TCF12: variants seen among roughly 807,000 people sequenced by gnomAD.
The protein encoded by TCF12 is DNA-binding protein HTF4.
A neutral mutation model predicts 86.0 loss-of-function variants in TCF12; 45 were observed. That is an observed-to-expected ratio of 0.52 (90% CI 0.41 to 0.67). The LOEUF is 0.67. Ranked by LOEUF, TCF12 falls within the 30% of genes least tolerant of loss-of-function variation. The probability of loss-of-function intolerance (pLI) is 0.00; values close to 1 mark genes in which losing one functional copy is unlikely to be tolerated. For synonymous variants in TCF12, 330 were observed against 299.6 expected, an observed-to-expected ratio of 1.10 and a Z score of -1.05; for missense variants, 881 against 859.9, an observed-to-expected ratio of 1.02 and a Z score of -0.31.
intron 4 of TCF12, among the ~76,000 whole-genome samples, chr15:57,076,181 A>G (rs1234099338): frequency 1.3e-5 from 2 of 152,026 alleles, no homozygotes; most frequent in Non-Finnish European, 2.9e-5. Flanking sequence ...AATGTGTAAA[A>G]CAAAAATTTT....
At chr15:57,215,222 G>T (rs1420436324) in intron 8 of TCF12, among the ~76,000 whole-genome samples, 1 of 152,064 alleles carries the variant, frequency 6.6e-6, no homozygotes, top group African/African-American at 2.4e-5. Context: ...AATTAGCAAG[G>T]CTAACTAAAA....
intron 3 of TCF12, among the ~76,000 whole-genome samples, chr15:57,021,161 T>G (rs1380685850): frequency 6.6e-6 from 1 of 152,214 alleles, no homozygotes; most frequent in African/African-American, 2.4e-5. Flanking sequence ...AGTTTAACTT[T>G]TCAGATATGG....
chr15:57,045,685 A>G (rs1321589234), intron 3 of TCF12, among the ~76,000 whole-genome samples: 2 of 152,078 alleles, frequency 1.3e-5, no homozygotes, highest in South Asian at 2.1e-4. Context: ...ATGTAGGACT[A>G]CAGGCACATA....
chr15:57,159,372 C>G (rs2054337194), intron 5 of TCF12, among the ~76,000 whole-genome samples: 1 of 152,138 alleles, frequency 6.6e-6, no homozygotes, highest in African/African-American at 2.4e-5. Context: ...TAGTATGATT[C>G]AAATTGTATG....
chr15:57,069,779 C>G (rs1222091944), intron 4 of TCF12, among the ~76,000 whole-genome samples: 2 of 152,070 alleles, frequency 1.3e-5, no homozygotes, highest in African/African-American at 4.8e-5. Context: ...CTGCCATATA[C>G]TGAAGGAATG....
chr15:56,945,466 A>G (rs2060954005), intron 3 of TCF12, among the ~76,000 whole-genome samples: 1 of 151,876 alleles, frequency 6.6e-6, no homozygotes, highest in East Asian at 1.9e-4. Flanking sequence ...ATTTTTGCTT[A>G]TCTGAGAGGT....
chr15:57,150,570 C>T (rs1487887271), intron 5 of TCF12, among the ~76,000 whole-genome samples: 2 of 151,872 alleles, frequency 1.3e-5, no homozygotes, highest in South Asian at 4.2e-4. Flanking sequence ...AATCTAGCAC[C>T]CAAAAATATA....
At chr15:57,069,596 T>G (rs1567357373) in intron 4 of TCF12, among the ~76,000 whole-genome samples, 1 of 152,220 alleles carries the variant, frequency 6.6e-6, no homozygotes. Context: ...TGAAACGACA[T>G]GTTTGAGATT....
At chr15:57,001,517 T>A (rs74018460) in intron 3 of TCF12, 5,076 of 161,952 alleles carry the variant, frequency 0.031, 354 homozygotes, top group East Asian at 0.27. Flanking sequence ...TTTCATAGAT[T>A]TAAAAAATAT....
At chr15:56,999,216 G>C (rs1261843579) in intron 3 of TCF12, among the ~76,000 whole-genome samples, 1 of 151,504 alleles carries the variant, frequency 6.6e-6, no homozygotes, top group East Asian at 1.9e-4. Flanking sequence ...AAAAGGGAGG[G>C]GGGAGCGGGG....
In TCF12 at chr15:57,163,675, C is replaced by G. The variant is rs554422979; in HGVS notation, c.326-2727C>G. On this transcript the variant is annotated intron_variant, in intron 5 of 20. Coordinates refer to ENST00000333725, the MANE Select transcript of TCF12 (RefSeq NM_207037.2). ...CTGTAATTATGTAACTGTGCTCTAG[C>G]CTGTACGACAGAGCGAGACCTTGTC... Among the ~76,000 whole-genome samples, 7 of 152,264 alleles carry G rather than the reference C, an allele frequency of 4.6e-5. No individual in the cohort carries two copies. In the South Asian group the frequency reaches 1.5e-3, roughly 32 times the overall value.
chr15:57,152,856 C>CCA lies in TCF12; in HGVS notation c.326-13530_326-13529dup, dbSNP rs137874145. Among the ~76,000 whole-genome samples, 431 of 150,132 alleles carry CCA rather than the reference C, an allele frequency of 2.9e-3. 1 individual carries two copies. The highest frequency in any genetic ancestry group is 8.5e-3 in the African/African-American group (349 of 41,064). ...CTTAAGAAACAACAAGAACTCCCCT[C>CCA]CACACACACACACACACCACACATA... On this transcript the variant is annotated intron_variant, in intron 5 of 20. Coordinates refer to ENST00000333725, the MANE Select transcript of TCF12 (RefSeq NM_207037.2).
intron 4 of TCF12, among the ~76,000 whole-genome samples, chr15:57,086,493 T>C (rs981791680): frequency 2.0e-5 from 3 of 151,814 alleles, no homozygotes; most frequent in Admixed American, 2.0e-4. Context: ...TCCACTACAC[T>C]ATGCTGTGCA....
At chr15:57,197,446 C>T (rs373595752) in intron 7 of TCF12, among the ~76,000 whole-genome samples, 56 of 152,300 alleles carry the variant, frequency 3.7e-4, no homozygotes, top group African/African-American at 1.3e-3. Flanking sequence ...GCCTGAGCCA[C>T]CACATCCGGC....
Position 56,952,339 on chromosome 15 carries a change from T to G in TCF12, c.148+31241T>G, listed in dbSNP as rs368477113. On this transcript the variant is annotated intron_variant, in intron 3 of 20. Transcript: ENST00000333725. Reference sequence around the variant, plus strand: ...CAGTTTGTATAGTCTTCCAGATTTGTTTTTTTTTTTTTCAAAGTTATTTTG... The same window carrying G: ...CAGTTTGTATAGTCTTCCAGATTTGGTTTTTTTTTTTTCAAAGTTATTTTG... 2.2e-3 allele frequency among the ~76,000 whole-genome samples: 321 copies of G among 144,140 alleles called. 2 individuals are homozygous for G. The highest frequency in any genetic ancestry group is 7.7e-3 in the African/African-American group (306 of 39,688). The allele number at this position is 144,140 out of a possible 152,430, so 94.6% of individuals were successfully genotyped here.
intron 3 of TCF12, among the ~76,000 whole-genome samples, chr15:57,057,211 C>T (rs1444001809): frequency 6.6e-6 from 1 of 152,180 alleles, no homozygotes; most frequent in African/African-American, 2.4e-5. Context: ...AAGATGTGGG[C>T]AGAGATAAAC....
chr15:57,145,262 T>G (rs1158430044), intron 5 of TCF12, among the ~76,000 whole-genome samples: 1 of 152,208 alleles, frequency 6.6e-6, no homozygotes, highest in African/African-American at 2.4e-5. Flanking sequence ...ATTGGTAATG[T>G]GTTACAGTAC....
rs1382893534 is a variant in TCF12 at position 57,286,763 on chromosome 15, A to G, written c.*618A>G. On this transcript the variant is annotated 3_prime_UTR_variant, in exon 21 of 21. Transcript: ENST00000333725. ...GTTTTCCATGAAATAGGAAAATATTACTTGGTATAGCATTTCTCTTGCTCT... is the reference window on the plus strand; with the variant it reads ...GTTTTCCATGAAATAGGAAAATATTGCTTGGTATAGCATTTCTCTTGCTCT... 1.2e-5 allele frequency: 5 copies of G among 423,272 alleles called. No individual in the cohort carries two copies. The highest frequency in any genetic ancestry group is 8.3e-5 in the African/African-American group (4 of 48,352). The allele number at this position is 423,272 out of a possible 1,614,324, so 26.2% of individuals were successfully genotyped here.
intron 3 of TCF12, among the ~76,000 whole-genome samples, chr15:56,951,463 T>C (rs180720222): frequency 5.3e-5 from 8 of 152,348 alleles, no homozygotes; most frequent in Admixed American, 4.6e-4. Context: ...ACGAGATACA[T>C]GGTTTACAGA....
Sources: gnomAD v4.1 joint callset for allele counts (sites outside exome capture counted in the v4.1 genomes callset) on GRCh38, gnomAD v4.1.1 for gene constraint, MANE v1.5 for transcripts, NCBI Gene and HGNC (gene_info 2026-07-23, HGNC 2026-07-21) for gene names.